The following RANBP2 variants were observed in gnomAD, a reference collection of about 807,000 sequenced individuals.
RANBP2 encodes the protein RAN binding protein 2, also known as E3 SUMO-protein ligase RanBP2.
In RANBP2, 57 loss-of-function variants were observed where a neutral mutation model predicts 303.6. The observed-to-expected ratio is 0.19, with a 90% CI of 0.15 to 0.23. The LOEUF is 0.23. RANBP2 is among the 10% of genes least tolerant of loss of function. RANBP2 has a pLI of 1.00. For synonymous variants in RANBP2, 1,167 were observed against 1,301.5 expected (o/e 0.90, Z 2.23); for missense variants, 3,138 against 3,780.8 (o/e 0.83, Z 4.46).
chr2:109,532,977 G>A, the RANBP2 span, among the ~76,000 whole-genome samples: 1 of 152,110 alleles, frequency 6.6e-6, no homozygotes, highest in Non-Finnish European at 1.5e-5. Context: ...TTGGCCCTGG[G>A]ATACAGCAGT....
Position 108,730,870 on chromosome 2 carries a change from C to T in RANBP2, c.237C>T (p.Ala79=), listed in dbSNP as rs558884740. The T allele has an allele frequency of 1.6e-5, 25 of 1,611,548 alleles. No individual in the cohort carries two copies. The highest frequency in any genetic ancestry group is 9.9e-5 in the South Asian group (9 of 90,980). The part of the protein sequence containing the change: ...LYELEENTDK[A]VECYRRSVEL... Reference sequence around the variant, plus strand: ...AATTGGAAGAAAACACAGACAAAGCCGTTGAATGTTACAGGGTAAGTTACA... The same window carrying T: ...AATTGGAAGAAAACACAGACAAAGCTGTTGAATGTTACAGGGTAAGTTACA... The change falls in exon 3 of 29, where the codon GCC becomes GCT. Residue 79 remains alanine (A), a synonymous_variant. Transcript: ENST00000283195.
the RANBP2 span, among the ~76,000 whole-genome samples, chr2:108,935,251 C>T: frequency 2.0e-5 from 3 of 152,294 alleles, no homozygotes; most frequent in East Asian, 5.8e-4. Context: ...ATCACATCAG[C>T]TTATGACTAC....
Position 108,755,163 on chromosome 2 carries a change from T to A in RANBP2, c.2383-13T>A, listed in dbSNP as rs367912988. On this transcript the variant is annotated splice_polypyrimidine_tract_variant and intron_variant, in intron 16 of 28. Transcript: ENST00000283195. ...GTTTTAAATGCTGTTTTGTTATTTT[T>A]ATTTTTTTTTAGTATTCTCCCAAAA... 4 of 1,611,698 alleles carry A rather than the reference T, an allele frequency of 2.5e-6. No homozygotes were observed. Among genetic ancestry groups the A allele is most frequent in the Non-Finnish European group, 3.4e-6 (4 of 1,179,858 alleles).
At chr2:109,406,413 T>G in the RANBP2 span, among the ~76,000 whole-genome samples, 1 of 151,966 alleles carries the variant, frequency 6.6e-6, no homozygotes, top group Non-Finnish European at 1.5e-5. Context: ...GGTCCATCAC[T>G]GAGAGCAGCT....
At chr2:109,471,512 A>T in the RANBP2 span, among the ~76,000 whole-genome samples, 1 of 152,130 alleles carries the variant, frequency 6.6e-6, no homozygotes, top group African/African-American at 2.4e-5. Flanking sequence ...TCTTTGACAC[A>T]TGGGGATTAC....
At chr2:109,510,826 C>T in the RANBP2 span, among the ~76,000 whole-genome samples, 1 of 152,236 alleles carries the variant, frequency 6.6e-6, no homozygotes, top group South Asian at 2.1e-4. Flanking sequence ...GAGAGGCTTT[C>T]CTGCAGGGGA....
the RANBP2 span, among the ~76,000 whole-genome samples, chr2:109,425,489 A>T: frequency 2.0e-5 from 3 of 152,170 alleles, no homozygotes; most frequent in African/African-American, 7.2e-5. Flanking sequence ...GGACAGGCAG[A>T]CTCTCTTGTT....
At chr2:109,128,924 G>A in the RANBP2 span, 1 of 376,912 alleles carries the variant, frequency 2.7e-6, no homozygotes, top group Non-Finnish European at 5.4e-6. Context: ...AGTCCTGCAG[G>A]CACGGCGCCT....
At chr2:109,082,736 G>T in the RANBP2 span, among the ~76,000 whole-genome samples, 2 of 152,286 alleles carry the variant, frequency 1.3e-5, no homozygotes, top group Non-Finnish European at 2.9e-5. Context: ...AACTCTGTGA[G>T]GTTGGGAGTT....
At chr2:108,803,451 A>G in the RANBP2 span, among the ~76,000 whole-genome samples, 2 of 152,004 alleles carry the variant, frequency 1.3e-5, no homozygotes, top group Non-Finnish European at 2.9e-5. Context: ...ATTTTTTTTT[A>G]ATTGTTTTAG....
chr2:109,442,529 A>G, the RANBP2 span, among the ~76,000 whole-genome samples: 7 of 152,164 alleles, frequency 4.6e-5, no homozygotes, highest in Non-Finnish European at 1.0e-4. Flanking sequence ...AAAGCAATCT[A>G]GTTTGGGATT....
the RANBP2 span, chr2:108,923,471 G>C: frequency 3.0e-4 from 484 of 1,612,040 alleles, 3 homozygotes; most frequent in South Asian, 3.2e-3. Flanking sequence ...GGAGAGACAA[G>C]ACAAAACAGA....
chr2:108,839,044 T>C, the RANBP2 span: 2 of 876,722 alleles, frequency 2.3e-6, no homozygotes, highest in Non-Finnish European at 3.3e-6. Flanking sequence ...TTGCATATAG[T>C]TTTAAAGTGA....
chr2:109,521,152 A>G, the RANBP2 span, among the ~76,000 whole-genome samples: 2 of 151,028 alleles, frequency 1.3e-5, no homozygotes, highest in Non-Finnish European at 2.9e-5. Flanking sequence ...CGGGAGGCGG[A>G]GCTTGCAGTG....
chr2:108,753,149 T>C lies in RANBP2; in HGVS notation c.1907T>C (p.Val636Ala). ...IDPLFKHFHS[V>A]DIQASEIVEY... is the part of the protein sequence containing the mutation. ...CCTCTGTTTAAACATTTTCATAGTG[T>C]AGACATTCAGGTAACAGAGTTCCTT... is the stretch of plus-strand genomic sequence containing the variant. Residue 636 changes from valine to alanine, a missense_variant, in exon 13 of 29, where the codon GTA becomes GCA. Val to Ala is a moderately conservative substitution (Grantham distance 64). Around this residue, in one of 20 missense-constraint regions of RANBP2, gnomAD observed 162 missense variants for 286.9 expected, o/e 0.56. Coordinates refer to ENST00000283195, the MANE Select transcript of RANBP2 (RefSeq NM_006267.5). 6.2e-7 allele frequency: 1 copy of C among 1,608,854 alleles called. No homozygotes were observed. The highest frequency in any genetic ancestry group is 8.5e-7 in the Non-Finnish European group (1 of 1,179,040).
At chr2:109,190,176 T>C in the RANBP2 span, among the ~76,000 whole-genome samples, 1 of 152,042 alleles carries the variant, frequency 6.6e-6, no homozygotes, top group Admixed American at 6.5e-5. Flanking sequence ...CTTGACATCC[T>C]ATTTTTTTTT....
chr2:109,355,520 A>G, the RANBP2 span, among the ~76,000 whole-genome samples: 1 of 152,248 alleles, frequency 6.6e-6, no homozygotes, highest in Non-Finnish European at 1.5e-5. Context: ...TAATTGACCT[A>G]CAACTCCTGA....
At chr2:108,975,063 C>G in the RANBP2 span, among the ~76,000 whole-genome samples, 1 of 152,338 alleles carries the variant, frequency 6.6e-6, no homozygotes, top group East Asian at 1.9e-4. Flanking sequence ...ATTGTGGAAT[C>G]TGCTTTTCCA....
At chr2:108,761,260 C>G (rs1378115865) in intron 18 of RANBP2, among the ~76,000 whole-genome samples, 2 of 150,430 alleles carry the variant, frequency 1.3e-5, no homozygotes, top group Non-Finnish European at 3.0e-5. Context: ...CTATCCTCAC[C>G]TCTGTAAGGT....
Sources: allele counts gnomAD v4.1 joint callset (sites outside exome capture counted in the v4.1 genomes callset), GRCh38; gene constraint gnomAD v4.1.1; regional missense constraint gnomAD v4.1.1; transcripts MANE v1.5; gene names NCBI Gene and HGNC (gene_info 2026-07-23, HGNC 2026-07-21).